The following PITPNC1 variants were observed in gnomAD, a reference collection of about 807,000 sequenced individuals.
PITPNC1 encodes the protein phosphatidylinositol transfer protein cytoplasmic 1.
In PITPNC1, 18 loss-of-function variants were observed where a neutral mutation model predicts 44.7. The observed-to-expected ratio is 0.40, with a 90% confidence interval of 0.28 to 0.60. The LOEUF is 0.60. Ranked by LOEUF, PITPNC1 falls within the 20% of genes least tolerant of loss-of-function variation. The pLI is 0.39. For missense variants in PITPNC1, 290 were observed against 418.4 expected (o/e 0.69, Z 2.68); for synonymous variants, 141 against 149.6 (o/e 0.94, Z 0.42).
At chr17:67,559,905 C>CA (rs1313694222) in intron 4 of PITPNC1, among the ~76,000 whole-genome samples, 5 of 152,074 alleles carry the variant, frequency 3.3e-5, no homozygotes, top group East Asian at 1.9e-4. Context: ...CAAAAAAACC[C>CA]AAAAACAAAG....
At chr17:67,673,770 G>A (rs550417901) in intron 7 of PITPNC1, among the ~76,000 whole-genome samples, 208 of 152,004 alleles carry the variant, frequency 1.4e-3, no homozygotes, top group African/African-American at 5.0e-3. Context: ...CCAACATGGT[G>A]AAACCCCGTC....
intron 2 of PITPNC1, among the ~76,000 whole-genome samples, chr17:67,537,265 A>G (rs2040542800): frequency 6.6e-6 from 1 of 152,234 alleles, no homozygotes; most frequent in Non-Finnish European, 1.5e-5. Context: ...GGAAAGGAAG[A>G]AACAAAATGA....
chr17:67,563,207 T>C (rs2040928089), intron 4 of PITPNC1, among the ~76,000 whole-genome samples: 1 of 152,046 alleles, frequency 6.6e-6, no homozygotes, highest in Non-Finnish European at 1.5e-5. Flanking sequence ...AATATGACAA[T>C]ATAGAATACA....
intron 7 of PITPNC1, among the ~76,000 whole-genome samples, chr17:67,673,025 T>C (rs1178737862): frequency 2.0e-5 from 3 of 152,212 alleles, no homozygotes; most frequent in Non-Finnish European, 4.4e-5. Context: ...TCGATGCTGT[T>C]CTTTTGATTT....
chr17:67,520,655 C>T (rs997577140), intron 1 of PITPNC1, among the ~76,000 whole-genome samples: 7 of 152,102 alleles, frequency 4.6e-5, no homozygotes, highest in South Asian at 2.1e-4. Flanking sequence ...GAGTGATGAA[C>T]GGGAGCGCAC....
At chr17:67,663,594 T>G (rs562169208) in intron 6 of PITPNC1, among the ~76,000 whole-genome samples, 1 of 149,492 alleles carries the variant, frequency 6.7e-6, no homozygotes, top group Non-Finnish European at 1.5e-5. Context: ...AAAAAAAAAG[T>G]TGAAGCAGTA....
At chr17:67,499,190 G>A (rs929431989) in intron 1 of PITPNC1, among the ~76,000 whole-genome samples, 2 of 151,976 alleles carry the variant, frequency 1.3e-5, no homozygotes, top group Admixed American at 6.6e-5. Context: ...CTTCTTTGAA[G>A]AAATATCTAT....
chr17:67,584,799 C>G (rs1481322446), intron 5 of PITPNC1, among the ~76,000 whole-genome samples: 1 of 152,100 alleles, frequency 6.6e-6, no homozygotes, highest in Non-Finnish European at 1.5e-5. Context: ...GGAGAAGGAT[C>G]GGGGATACAG....
chr17:67,617,480 G>A (rs1001682271), intron 5 of PITPNC1, among the ~76,000 whole-genome samples: 1 of 152,132 alleles, frequency 6.6e-6, no homozygotes, highest in African/African-American at 2.4e-5. Context: ...CTCCAGCCTG[G>A]GTGACAGAGC....
At chr17:67,615,846 G>A (rs761926198) in intron 5 of PITPNC1, among the ~76,000 whole-genome samples, 2 of 152,112 alleles carry the variant, frequency 1.3e-5, no homozygotes, top group Non-Finnish European at 2.9e-5. Flanking sequence ...ACCGTTCTGC[G>A]TCGCTGGTGC....
intron 5 of PITPNC1, among the ~76,000 whole-genome samples, chr17:67,580,990 A>G (rs1272536347): frequency 6.6e-6 from 1 of 152,182 alleles, no homozygotes; most frequent in Admixed American, 6.5e-5. Context: ...TCAAGCCTGC[A>G]GTGAACCATG....
intron 1 of PITPNC1, among the ~76,000 whole-genome samples, chr17:67,445,955 G>C (rs549012888): frequency 6.6e-6 from 1 of 150,548 alleles, no homozygotes; most frequent in Non-Finnish European, 1.5e-5. Flanking sequence ...TATTTTTTTT[G>C]GTTTTTTTTG....
chr17:67,575,922 A>G (rs12103784), intron 4 of PITPNC1, among the ~76,000 whole-genome samples: 9,340 of 119,870 alleles, frequency 0.078, 1,311 homozygotes, highest in African/African-American at 0.29. Flanking sequence ...TGTTGCCCAG[A>G]CTGGAGTGCA....
At position 67,412,138 on chromosome 17, in the gene PITPNC1, A is replaced by G. The variant is rs117615603; in HGVS notation, c.48+33936A>G. Among the ~76,000 whole-genome samples the G allele has an allele frequency of 6.7e-3, 1,017 of 152,306 alleles. 32 individuals carry two copies. Among genetic ancestry groups the G allele is most frequent in the Admixed American group, 0.045 (693 of 15,288 alleles). On this transcript the variant is annotated intron_variant, in intron 1 of 8. Transcript: ENST00000581322. ...AAGAAGCATGAGATTCAGATCACAC[A>G]TGGAAGTGCCTCACCCCTTGCCTGG...
At chr17:67,653,987 G>C (rs1487816490) in intron 6 of PITPNC1, among the ~76,000 whole-genome samples, 3 of 152,168 alleles carry the variant, frequency 2.0e-5, no homozygotes, top group African/African-American at 7.2e-5. Flanking sequence ...CACCGTTCAA[G>C]GAGGGCCCCC....
At chr17:67,519,807 C>T (rs1192919920) in intron 1 of PITPNC1, among the ~76,000 whole-genome samples, 1 of 152,152 alleles carries the variant, frequency 6.6e-6, no homozygotes, top group Non-Finnish European at 1.5e-5. Flanking sequence ...CATATATAAC[C>T]CTCTCCCAGC....
At chr17:67,495,058 T>G (rs1343797262) in intron 1 of PITPNC1, among the ~76,000 whole-genome samples, 10 of 102,126 alleles carry the variant, frequency 9.8e-5, no homozygotes, top group South Asian at 3.9e-4. Context: ...TTTTGTTTTT[T>G]TTTTTTTTTT....
chr17:67,452,552 C>T (rs1170072338), intron 1 of PITPNC1, among the ~76,000 whole-genome samples: 5 of 141,104 alleles, frequency 3.5e-5, no homozygotes, highest in African/African-American at 1.1e-4. Flanking sequence ...CTCACTCTGT[C>T]GCCAGGCTGG....
At chr17:67,545,628 T>G (rs1261345834) in intron 2 of PITPNC1, among the ~76,000 whole-genome samples, 1 of 152,208 alleles carries the variant, frequency 6.6e-6, no homozygotes, top group Non-Finnish European at 1.5e-5. Context: ...CATTTATTTT[T>G]ATTTTTTTAC....
Sources: allele counts gnomAD v4.1 joint callset (sites outside exome capture counted in the v4.1 genomes callset), GRCh38; gene constraint gnomAD v4.1.1; transcripts MANE v1.5; gene names NCBI Gene and HGNC (gene_info 2026-07-23, HGNC 2026-07-21).